The following CHN2 variants were observed in gnomAD, a reference collection of about 807,000 sequenced individuals.
CHN2 encodes chimerin 2.
CHN2 carries 35 observed loss-of-function variants against 56.3 expected under a neutral mutation model. The ratio of observed to expected loss-of-function variants is 0.62; its 90% CI spans 0.47 to 0.82. The LOEUF (loss-of-function observed/expected upper bound fraction) is 0.82. Ranked by LOEUF, CHN2 falls within the 40% of genes least tolerant of loss-of-function variation. The pLI is 0.00. For synonymous variants in CHN2, 210 were observed against 212.8 expected, an observed-to-expected ratio of 0.99 and a Z score of 0.12; for missense variants, 491 against 580.5, an observed-to-expected ratio of 0.85 and a Z score of 1.58.
chr7:29,233,738 C>T (rs959773560), intron 1 of CHN2, among the ~76,000 whole-genome samples: 3 of 149,192 alleles, frequency 2.0e-5, no homozygotes, highest in African/African-American at 7.5e-5. Flanking sequence ...CAGCCCAGGA[C>T]TGCTGGCAGC....
intron 1 of CHN2, among the ~76,000 whole-genome samples, chr7:29,323,273 G>A (rs1795508267): frequency 6.6e-6 from 1 of 151,778 alleles, no homozygotes; most frequent in African/African-American, 2.4e-5. Flanking sequence ...GTTTGAAGAT[G>A]GATACCCTGC....
intron 1 of CHN2, among the ~76,000 whole-genome samples, chr7:29,269,167 AT>A (rs1354718426): frequency 1.3e-5 from 2 of 152,050 alleles, no homozygotes; most frequent in African/African-American, 4.8e-5. Context: ...ATCTAACTGT[AT>A]TTTTGTGCCC....
At chr7:29,326,787 C>T (rs6942654) in intron 1 of CHN2, among the ~76,000 whole-genome samples, 46,583 of 151,954 alleles carry the variant, frequency 0.31, 7,869 homozygotes, top group East Asian at 0.55. Context: ...TCTACCTCCA[C>T]GATCCTTCAT....
intron 2 of CHN2, among the ~76,000 whole-genome samples, chr7:29,159,319 G>A (rs1794859688): frequency 6.6e-6 from 1 of 152,186 alleles, no homozygotes; most frequent in Non-Finnish European, 1.5e-5. Context: ...AGCAGAATAA[G>A]GGTTGAAACC....
At chr7:29,324,360 G>A (rs1228785984) in intron 1 of CHN2, among the ~76,000 whole-genome samples, 2 of 152,144 alleles carry the variant, frequency 1.3e-5, no homozygotes, top group Non-Finnish European at 2.9e-5. Flanking sequence ...ATTGAATTTT[G>A]AGGGAGACCT....
At position 29,400,655 on chromosome 7, in the gene CHN2, T is replaced by A. The variant is rs1449540838; in HGVS notation, c.403T>A (p.Tyr135Asn). ...DLVTDGLITL[Y>N]IETKAAEYIS... is the part of the protein sequence containing the mutation. ...GGTGACAGATGGCTTGATAACACTG[T>A]ACATAGAAACAAAAGCTGCCGAGTA... The change falls in exon 6 of 13, where the codon TAC becomes AAC. Residue 135 changes from tyrosine (Y) to asparagine (N), a missense_variant. Coordinates refer to ENST00000222792, the MANE Select transcript of CHN2 (RefSeq NM_004067.4). The A allele has an allele frequency of 6.2e-7, 1 of 1,614,032 alleles. No homozygotes were observed. Among genetic ancestry groups the A allele is most frequent in the Non-Finnish European group, 8.5e-7 (1 of 1,180,044 alleles).
At chr7:29,384,872 C>G (rs1189563784) in intron 3 of CHN2, among the ~76,000 whole-genome samples, 1 of 152,132 alleles carries the variant, frequency 6.6e-6, no homozygotes, top group African/African-American at 2.4e-5. Flanking sequence ...TTGTTTCCAA[C>G]CCAGCAATCA....
chr7:29,472,537 C>T (rs1338845127), intron 6 of CHN2, among the ~76,000 whole-genome samples: 13 of 152,062 alleles, frequency 8.5e-5, no homozygotes, highest in Non-Finnish European at 1.5e-5. Context: ...GGGTCATCAC[C>T]CAACACCAGT....
chr7:29,213,238 T>C, intron 1 of CHN2: 1 of 1,040,744 alleles, frequency 9.6e-7, no homozygotes. Context: ...TTGATATTAC[T>C]CAGTTTCACT....
At chr7:29,241,260 TTGAA>T (rs767756199) in intron 1 of CHN2, among the ~76,000 whole-genome samples, 3 of 152,022 alleles carry the variant, frequency 2.0e-5, no homozygotes, top group Admixed American at 1.3e-4. Context: ...CGCAGACAAT[TTGAA>T]TGGTGACTAA....
At chr7:29,464,618 G>A (rs1415510005) in intron 6 of CHN2, among the ~76,000 whole-genome samples, 2 of 152,230 alleles carry the variant, frequency 1.3e-5, no homozygotes, top group East Asian at 1.9e-4. Flanking sequence ...ACTAGGTGTA[G>A]TCTAAAGCAT....
intron 2 of CHN2, among the ~76,000 whole-genome samples, chr7:29,162,202 A>C: frequency 6.6e-6 from 1 of 152,224 alleles, no homozygotes. Flanking sequence ...TCTTATATTC[A>C]CACAAAAACT....
At chr7:29,509,508 T>C (rs935817869) in intron 12 of CHN2, 102 bp downstream of exon 12, 2 of 896,152 alleles carry the variant, frequency 2.2e-6, no homozygotes, top group Non-Finnish European at 3.6e-6. Flanking sequence ...TGCTGGAGTT[T>C]CACTGTGCCA....
At chr7:29,485,898 T>C (rs986640324) in intron 7 of CHN2, among the ~76,000 whole-genome samples, 3 of 151,998 alleles carry the variant, frequency 2.0e-5, no homozygotes, top group African/African-American at 7.3e-5. Context: ...CCAAATTCTC[T>C]CCCACCCCCA....
intron 11 of CHN2, 103 bp from the exon 12 acceptor site, chr7:29,509,198 G>C (rs917505162): frequency 1.3e-6 from 1 of 772,960 alleles, no homozygotes; most frequent in African/African-American, 1.7e-5. Context: ...GAATTTATTA[G>C]AATCCTTCCC....
rs6954057 is a variant in CHN2 at position 29,211,071 on chromosome 7, G to T, written c.49+16081G>T. On this transcript the variant is annotated intron_variant, in intron 1 of 12. Coordinates refer to ENST00000222792, the MANE Select transcript of CHN2 (RefSeq NM_004067.4). ...ACTTAGGTGTTTTGTTTTTTTTTTTGTTGTTGTTGTTGTTGTTGAGACGGA... is the reference window on the plus strand; with the variant it reads ...ACTTAGGTGTTTTGTTTTTTTTTTTTTTGTTGTTGTTGTTGTTGAGACGGA... Among the ~76,000 whole-genome samples the T allele has an allele frequency of 4.5e-3, 653 of 146,340 alleles. 7 individuals are homozygous for T. The highest frequency in any genetic ancestry group is 0.014 in the African/African-American group (569 of 39,350).
intron 1 of CHN2, among the ~76,000 whole-genome samples, chr7:29,254,190 A>G (rs1788874526): frequency 6.6e-6 from 1 of 152,234 alleles, no homozygotes. Flanking sequence ...GGCGTGAACC[A>G]CCACACCCAG....
intron 1 of CHN2, among the ~76,000 whole-genome samples, chr7:29,294,522 G>A (rs1012306623): frequency 6.6e-6 from 1 of 152,102 alleles, no homozygotes; most frequent in South Asian, 2.1e-4. Context: ...CCTTGTAACC[G>A]CAAGAAGATA....
At chr7:29,178,704 C>T (rs893239814) in intron 2 of CHN2, among the ~76,000 whole-genome samples, 3 of 152,122 alleles carry the variant, frequency 2.0e-5, no homozygotes, top group Non-Finnish European at 2.9e-5. Context: ...ATAGTAGGGG[C>T]TCAGTTATTG....
Sources: gnomAD v4.1 joint callset for allele counts (sites outside exome capture counted in the v4.1 genomes callset) on GRCh38, gnomAD v4.1.1 for gene constraint, MANE v1.5 for transcripts, NCBI Gene and HGNC (gene_info 2026-07-23, HGNC 2026-07-21) for gene names.